The following PSEN1 variants were observed in gnomAD, a reference collection of about 807,000 sequenced individuals.
The protein encoded by PSEN1 is presenilin 1.
A neutral mutation model predicts 53.5 loss-of-function variants in PSEN1; 15 were observed. That is an observed-to-expected ratio of 0.28 (90% CI 0.19 to 0.43). The LOEUF (loss-of-function observed/expected upper bound fraction) is 0.43. Ranked by LOEUF, PSEN1 falls within the 20% of genes least tolerant of loss-of-function variation. The pLI is 1.00. For missense variants in PSEN1, 387 were observed against 571.2 expected (o/e 0.68, Z 3.29); for synonymous variants, 208 against 209.8 (o/e 0.99, Z 0.08).
At chr14:73,218,752 C>T (rs1900030271) in intron 11 of PSEN1, among the ~76,000 whole-genome samples, 3 of 151,806 alleles carry the variant, frequency 2.0e-5, no homozygotes, top group African/African-American at 7.3e-5. Flanking sequence ...GAAGCCCCCG[C>T]ACAGCATAGA....
Position 73,196,472 on chromosome 14 carries a change from A to C in PSEN1, c.770-1559A>C, listed in dbSNP as rs563018986. On this transcript the variant is annotated intron_variant, in intron 7 of 11. Coordinates refer to ENST00000324501, the MANE Select transcript of PSEN1 (RefSeq NM_000021.4). ...AGAGACATGACCACTTTGAGGCATG[A>C]AATTTTTTTTTTTTTTTTTTTTTTT... Among the ~76,000 whole-genome samples the C allele has an allele frequency of 8.0e-4, 115 of 143,706 alleles. 3 individuals are homozygous for C. The South Asian group carries it at 0.023, about 29-fold the overall frequency. 94.3% of individuals were successfully genotyped at this position (143,706 alleles called of 152,430 possible).
At chr14:73,209,900 C>T (rs1180548001) in intron 9 of PSEN1, among the ~76,000 whole-genome samples, 1 of 152,176 alleles carries the variant, frequency 6.6e-6, no homozygotes, top group Non-Finnish European at 1.5e-5. Context: ...CTTTGTGGGA[C>T]TTTCCCTCAT....
Position 73,211,864 on chromosome 14 carries a change from C to CA in PSEN1, c.1052dup (p.His351GlnfsTer6), listed in dbSNP as rs768878052. The CA allele has an allele frequency of 6.2e-7, 1 of 1,614,058 alleles. No individual in the cohort carries two copies. Among genetic ancestry groups the CA allele is most frequent in the Non-Finnish European group, 8.5e-7 (1 of 1,180,008 alleles). On this transcript the variant is annotated frameshift_variant, in exon 10 of 12. Transcript: ENST00000324501. LOFTEE classifies it high-confidence loss of function. ...CCAGAGGGACAGTCATCTAGGGCCTCATCGCTCTACACCTGAGTCACGAGC... is the reference window on the plus strand; with the variant it reads ...CCAGAGGGACAGTCATCTAGGGCCTCAATCGCTCTACACCTGAGTCACGAGC...
chr14:73,201,963 C>T (rs1594746091), intron 8 of PSEN1, among the ~76,000 whole-genome samples: 1 of 151,914 alleles, frequency 6.6e-6, no homozygotes, highest in African/African-American at 2.4e-5. Flanking sequence ...GCCAGGCTGG[C>T]CTTGAACTCC....
chr14:73,210,097 A>AT (rs2140132106), intron 9 of PSEN1, among the ~76,000 whole-genome samples: 1 of 152,352 alleles, frequency 6.6e-6, no homozygotes, highest in South Asian at 2.1e-4. Context: ...ACAAAAGGGC[A>AT]TAGGGCTCCA....
At chr14:73,158,895 T>C (rs1165844905) in intron 3 of PSEN1, among the ~76,000 whole-genome samples, 1 of 152,252 alleles carries the variant, frequency 6.6e-6, no homozygotes, top group Non-Finnish European at 1.5e-5. Flanking sequence ...TTTTAAATTT[T>C]TTAGCTCTTA....
At chr14:73,182,416 G>A (rs935396991) in intron 5 of PSEN1, among the ~76,000 whole-genome samples, 1 of 151,988 alleles carries the variant, frequency 6.6e-6, no homozygotes, top group African/African-American at 2.4e-5. Flanking sequence ...AGTATGGCTT[G>A]AGCCCAGTGG....
chr14:73,181,506 C>T (rs1303130885), intron 5 of PSEN1, among the ~76,000 whole-genome samples: 2 of 152,196 alleles, frequency 1.3e-5, no homozygotes, highest in African/African-American at 2.4e-5. Flanking sequence ...GACCTGTAGA[C>T]CCAGTTACTT....
At chr14:73,212,879 G>T (rs564097663) in intron 10 of PSEN1, among the ~76,000 whole-genome samples, 1 of 152,248 alleles carries the variant, frequency 6.6e-6, no homozygotes, top group East Asian at 1.9e-4. Flanking sequence ...TCTTGTTTTT[G>T]CAAGAGTGAA....
chr14:73,179,006 G>T (rs542041380), intron 5 of PSEN1, among the ~76,000 whole-genome samples: 9 of 152,074 alleles, frequency 5.9e-5, no homozygotes, highest in African/African-American at 1.9e-4. Flanking sequence ...ACTCACCTTG[G>T]GAATGGACCC....
chr14:73,184,115 C>A (rs1379021331), intron 5 of PSEN1, among the ~76,000 whole-genome samples: 9 of 116,628 alleles, frequency 7.7e-5, no homozygotes, highest in Non-Finnish European at 1.3e-4. Flanking sequence ...GACCCCCCCC[C>A]ACCTCCCTCC....
chr14:73,211,993 C>T, intron 10 of PSEN1, 51 bp downstream of exon 10: 6 of 1,372,354 alleles, frequency 4.4e-6, no homozygotes, highest in Non-Finnish European at 5.9e-6. Context: ...TAGGTAGCTA[C>T]ATTATCAACC....
At chr14:73,192,619 T>C in intron 6 of PSEN1, 25 bp from the exon 7 acceptor site, 1 of 1,508,652 alleles carries the variant, frequency 6.6e-7, no homozygotes, top group Middle Eastern at 1.7e-4. Flanking sequence ...GTACATCTTT[T>C]AAAATCTGTG....
intron 8 of PSEN1, among the ~76,000 whole-genome samples, chr14:73,203,927 G>A (rs1227664917): frequency 6.6e-6 from 1 of 152,192 alleles, no homozygotes; most frequent in African/African-American, 2.4e-5. Context: ...GTAGAAGCAG[G>A]AGGATTGCTT....
chr14:73,165,977 A>G (rs2060790320), intron 3 of PSEN1, among the ~76,000 whole-genome samples: 1 of 151,928 alleles, frequency 6.6e-6, no homozygotes, highest in African/African-American at 2.4e-5. Context: ...AATTGCTTGA[A>G]CCTGAGAGGC....
Position 73,176,296 on chromosome 14 carries a change from A to C in PSEN1, c.480+2589A>C, listed in dbSNP as rs927078599. On this transcript the variant is annotated intron_variant, in intron 5 of 11. Coordinates refer to ENST00000324501, the MANE Select transcript of PSEN1 (RefSeq NM_000021.4). ...GCTAGTTTCTTAATTCCTTTTCTTT[A>C]TCCCTTTTTTTGTCTGCACGTGTTT... Among the ~76,000 whole-genome samples, 8 of 152,094 alleles carry C rather than the reference A, an allele frequency of 5.3e-5. No homozygotes were observed. The South Asian group carries it at 1.4e-3, about 28-fold the overall frequency.
chr14:73,209,286 C>T lies in PSEN1; in HGVS notation c.956-2483C>T, dbSNP rs562258439. On this transcript the variant is annotated intron_variant, in intron 9 of 11. Coordinates refer to ENST00000324501, the MANE Select transcript of PSEN1 (RefSeq NM_000021.4). ...CCCAGCTGCACCTCCCCTGCTGCAG[C>T]TGCCATCTTTGCAGCAGCCACTCCA... Among the ~76,000 whole-genome samples the T allele has an allele frequency of 1.5e-4, 23 of 152,356 alleles. 1 individual carries two copies. The highest frequency in any genetic ancestry group is 1.4e-3 in the Admixed American group (21 of 15,308).
At chr14:73,197,764 GTAACGA>G (rs1476119256) in intron 7 of PSEN1, 3 of 452,812 alleles carry the variant, frequency 6.6e-6, no homozygotes, top group Non-Finnish European at 1.2e-5. Context: ...CTATACCCCA[GTAACGA>G]TACACTGTAC....
In PSEN1 at chr14:73,222,305, G is replaced by GT. The variant is rs918451667; in HGVS notation, c.*3016_*3017insT. 1 of 152,172 alleles carries GT rather than the reference G, an allele frequency of 6.6e-6. No individual in the cohort carries two copies. The highest frequency in any genetic ancestry group is 6.6e-5 in the Admixed American group (1 of 15,266). The allele number at this position is 152,172 out of a possible 1,614,324, so 9.4% of individuals were successfully genotyped here. A position where few individuals can be genotyped will look rare whatever the true frequency, so the allele number is the denominator to read the frequency against. On this transcript the variant is annotated 3_prime_UTR_variant, in exon 12 of 12. Coordinates refer to ENST00000324501, the MANE Select transcript of PSEN1 (RefSeq NM_000021.4). The stretch of plus-strand genomic sequence containing the variant: ...CAGTGTTTTTACTTTCAGACTCCGG[G>GT]ATTCCCATTCTGTAGTCTCTCTGCT...
Sources: allele counts gnomAD v4.1 joint callset (sites outside exome capture counted in the v4.1 genomes callset), GRCh38; gene constraint gnomAD v4.1.1; transcripts MANE v1.5; gene names NCBI Gene and HGNC (gene_info 2026-07-23, HGNC 2026-07-21).